TENM1: variants seen among roughly 807,000 people sequenced by gnomAD.
The protein encoded by TENM1 is teneurin-1.
Under a neutral mutation model 174.8 loss-of-function variants are expected in TENM1, and 35 were observed. That is an observed-to-expected ratio of 0.20 (90% CI 0.15 to 0.27). The LOEUF is 0.27. Among genes scored for constraint, TENM1 ranks in the 10% least tolerant of loss-of-function variants. The probability of loss-of-function intolerance (pLI) is 1.00; values close to 1 mark genes in which losing one functional copy is unlikely to be tolerated. For synonymous variants in TENM1, 781 were observed against 798.7 expected (o/e 0.98, Z 0.37); for missense variants, 1,633 against 2,130.1 (o/e 0.77, Z 4.59).
the TENM1 span, among the ~76,000 whole-genome samples, chrX:125,129,848 A>T: frequency 0.013 from 1,457 of 111,367 alleles, 27 homozygotes; most frequent in African/African-American, 0.044. Context: ...TTCTTCTGTT[A>T]ATGGACACTT....
intron 14 of TENM1, among the ~76,000 whole-genome samples, chrX:124,549,026 G>A (rs2048497232): frequency 9.0e-6 from 1 of 110,837 alleles, no homozygotes; most frequent in South Asian, 3.8e-4. Context: ...TTTTTTCATT[G>A]ATGACTTTTT....
intron 28 of TENM1, among the ~76,000 whole-genome samples, chrX:124,389,513 A>C (rs1455185685): frequency 8.9e-6 from 1 of 112,238 alleles, no homozygotes; most frequent in Non-Finnish European, 1.9e-5. Context: ...AAGTCAGTGA[A>C]AAAGTTACAT....
At chrX:124,949,910 G>C (rs1027250232) in intron 1 of TENM1, among the ~76,000 whole-genome samples, 28 of 111,504 alleles carry the variant, frequency 2.5e-4, no homozygotes, top group African/African-American at 9.1e-4. Flanking sequence ...AGGCTTGTTG[G>C]TTTTTAACAT....
chrX:124,427,642 G>A (rs916283690), intron 23 of TENM1, among the ~76,000 whole-genome samples: 2 of 111,772 alleles, frequency 1.8e-5, no homozygotes, highest in East Asian at 2.8e-4. Context: ...TTCACCTCTC[G>A]TAGCTTGTCA....
chrX:124,467,819 C>T (rs933807784), intron 22 of TENM1, among the ~76,000 whole-genome samples: 18 of 111,176 alleles, frequency 1.6e-4, no homozygotes, highest in Non-Finnish European at 2.3e-4. Flanking sequence ...AGTGCAGTGG[C>T]GCAATCTCAG....
intron 1 of TENM1, among the ~76,000 whole-genome samples, chrX:124,896,443 G>A (rs1386521377): frequency 9.0e-6 from 1 of 111,417 alleles, no homozygotes; most frequent in Non-Finnish European, 1.9e-5. Flanking sequence ...TGCTCCTGTT[G>A]ATTCTTACAA....
intron 20 of TENM1, among the ~76,000 whole-genome samples, chrX:124,493,207 A>G (rs1215074616): frequency 1.8e-5 from 2 of 111,749 alleles, no homozygotes; most frequent in Non-Finnish European, 3.8e-5. Flanking sequence ...TTAGAGTCCA[A>G]GTTATTCTAT....
intron 3 of TENM1, among the ~76,000 whole-genome samples, chrX:124,757,670 A>G (rs2148597964): frequency 8.9e-6 from 1 of 112,532 alleles, no homozygotes; most frequent in East Asian, 2.8e-4. Context: ...GGTTGGCTGT[A>G]TTAAATAAAT....
chrX:124,704,559 A>G (rs112856424), intron 5 of TENM1, among the ~76,000 whole-genome samples: 5 of 112,070 alleles, frequency 4.5e-5, no homozygotes, highest in African/African-American at 1.6e-4. Flanking sequence ...TCACAGTGTA[A>G]AAATCTGAAT....
At chrX:124,601,701 G>A (rs2858399) in intron 11 of TENM1, among the ~76,000 whole-genome samples, 22,355 of 109,545 alleles carry the variant, frequency 0.2, 1,733 homozygotes, top group South Asian at 0.39. Context: ...TACCCAAACC[G>A]TATGATTTTT....
intron 22 of TENM1, among the ~76,000 whole-genome samples, chrX:124,461,681 G>A (rs1163465286): frequency 9.0e-6 from 1 of 111,663 alleles, no homozygotes; most frequent in East Asian, 2.8e-4. Context: ...TCACTGATAC[G>A]TGGGAGCTAA....
At position 124,384,138 on chromosome X, in the gene TENM1, C is replaced by T. The variant is rs377058853; in HGVS notation, c.6793G>A (p.Ala2265Thr). 2.1e-5 allele frequency: 25 copies of T among 1,209,511 alleles called. No individual in the cohort carries two copies. The highest frequency in any genetic ancestry group is 1.1e-4 in the South Asian group (6 of 56,584). ...TGCTGCCCTAGGCTGGACTTACTCG[C>T]GACACGTCGCCCAAGCCCATCATAG... is the stretch of plus-strand genomic sequence containing the variant. Residue 2265 changes from alanine (A) to threonine (T), a missense_variant, in exon 30 of 32, where the codon GCG becomes ACG. Around this residue, in one of 4 missense-constraint regions of TENM1, gnomAD observed 807 missense variants for 1,125.3 expected, o/e 0.72. Transcript: ENST00000422452.
rs754045615 is a variant in TENM1, at chrX:124,736,728, C to T, written c.776+229G>A. Among the ~76,000 whole-genome samples the T allele has an allele frequency of 7.1e-5, 8 of 111,928 alleles. No homozygotes were observed. In the South Asian group the frequency reaches 3.0e-3, roughly 42 times the overall value. On this transcript the variant is annotated intron_variant, in intron 4 of 31. Transcript: ENST00000422452. ...TTATGTATCTGCGGCTTCATCTTTT[C>T]ACGTGTATCTGCTTTGGTCTGTGGC...
At chrX:124,739,258 G>A (rs946088643) in intron 3 of TENM1, among the ~76,000 whole-genome samples, 4 of 111,826 alleles carry the variant, frequency 3.6e-5, no homozygotes, top group African/African-American at 1.3e-4. Flanking sequence ...TGTAAAATGT[G>A]CTTGAGCATG....
rs1168879861 is a variant in TENM1 at position 124,756,082 on chromosome X, A to G, written c.536-18885T>C. On this transcript the variant is annotated intron_variant, in intron 3 of 31. Transcript: ENST00000422452. ...TCTCCTGGATAATATCCTGCAGAGC[A>G]TTTTCCAACTTGGTTCCATTCTCCC... 7.6e-3 allele frequency among the ~76,000 whole-genome samples: 798 copies of G among 104,676 alleles called. 10 individuals carry two copies. Among genetic ancestry groups the G allele is most frequent in the African/African-American group, 0.029 (756 of 26,336 alleles). 90.9% of individuals were successfully genotyped at this position (104,676 alleles called of 115,157 possible).
At chrX:124,436,643 G>A (rs1271742134) in intron 23 of TENM1, among the ~76,000 whole-genome samples, 1 of 108,316 alleles carries the variant, frequency 9.2e-6, no homozygotes. Flanking sequence ...ACAGGCACCC[G>A]CCACCTCGCC....
At chrX:124,593,033 T>G (rs1051696489) in intron 11 of TENM1, among the ~76,000 whole-genome samples, 1 of 111,614 alleles carries the variant, frequency 9.0e-6, no homozygotes, top group African/African-American at 3.3e-5. Context: ...GACTGATTCA[T>G]GCAGTGCAGA....
intron 14 of TENM1, among the ~76,000 whole-genome samples, chrX:124,550,565 T>C (rs187211141): frequency 1.9e-5 from 2 of 104,405 alleles, no homozygotes; most frequent in East Asian, 6.1e-4. Context: ...GGAAGTAACC[T>C]GGGAGTCATA....
intron 5 of TENM1, among the ~76,000 whole-genome samples, chrX:124,690,862 CTT>C (rs1195615313): frequency 9.1e-6 from 1 of 110,460 alleles, no homozygotes; most frequent in Non-Finnish European, 1.9e-5. Context: ...CTGTGCTATG[CTT>C]CTTGTAAAGC....
Sources: allele counts gnomAD v4.1 joint callset (sites outside exome capture counted in the v4.1 genomes callset), GRCh38; gene constraint gnomAD v4.1.1; regional missense constraint gnomAD v4.1.1; transcripts MANE v1.5; gene names NCBI Gene and HGNC (gene_info 2026-07-23, HGNC 2026-07-21).